Variants in GALNTL6 observed in about 807,000 individuals in gnomAD.
GALNTL6 encodes the protein polypeptide N-acetylgalactosaminyltransferase-like 6.
A neutral mutation model predicts 73.7 loss-of-function variants in GALNTL6; 46 were observed. The observed-to-expected ratio is 0.62, with a 90% CI of 0.49 to 0.80. The LOEUF is 0.80. GALNTL6 is among the 30% of genes least tolerant of loss of function. GALNTL6 has a pLI of 0.00. For synonymous variants in GALNTL6, 259 were observed against 263.7 expected, an observed-to-expected ratio of 0.98 and a Z score of 0.17; for missense variants, 604 against 755.0, an observed-to-expected ratio of 0.80 and a Z score of 2.34.
At chr4:172,820,466 C>T (rs1465633082) in intron 7 of GALNTL6, among the ~76,000 whole-genome samples, 1 of 152,192 alleles carries the variant, frequency 6.6e-6, no homozygotes, top group Non-Finnish European at 1.5e-5. Flanking sequence ...AGTAATTCTA[C>T]ATTTAATCAA....
At chr4:173,033,706 G>A (rs563734154) in intron 12 of GALNTL6, among the ~76,000 whole-genome samples, 2 of 152,290 alleles carry the variant, frequency 1.3e-5, no homozygotes, top group African/African-American at 4.8e-5. Context: ...TATTGTCAGA[G>A]ATAAAACTAG....
Position 172,759,607 on chromosome 4 carries a change from A to G in GALNTL6, c.554-49754A>G, listed in dbSNP as rs527650405. Among the ~76,000 whole-genome samples the G allele has an allele frequency of 4.5e-3, 677 of 152,080 alleles. 5 individuals are homozygous for G. The highest frequency in any genetic ancestry group is 5.2e-3 in the Non-Finnish European group (352 of 67,980). On this transcript the variant is annotated intron_variant, in intron 5 of 12. Transcript: ENST00000506823. The stretch of plus-strand genomic sequence containing the variant: ...AGGGGGTGTGTGCAGAATCTCCTCC[A>G]CCTGACTGTGTCCTCACTCCGCCAT...
chr4:171,912,905 A>G (rs1252563270), intron 2 of GALNTL6, among the ~76,000 whole-genome samples: 1 of 152,198 alleles, frequency 6.6e-6, no homozygotes, highest in African/African-American at 2.4e-5. Context: ...ATTGAATAAT[A>G]TCTCCTTTTA....
chr4:172,100,546 G>T (rs922987375), intron 2 of GALNTL6, among the ~76,000 whole-genome samples: 11 of 151,996 alleles, frequency 7.2e-5, no homozygotes, highest in Non-Finnish European at 1.5e-4. Context: ...AAAAGGAAAT[G>T]GTAAAGCTGT....
chr4:172,706,584 T>G (rs777542959), intron 5 of GALNTL6, among the ~76,000 whole-genome samples: 1 of 152,176 alleles, frequency 6.6e-6, no homozygotes. Context: ...CCTTGGTCTT[T>G]CCAGAGTATG....
chr4:172,484,537 A>G (rs2111489578), intron 5 of GALNTL6, among the ~76,000 whole-genome samples: 1 of 152,260 alleles, frequency 6.6e-6, no homozygotes, highest in East Asian at 1.9e-4. Flanking sequence ...GTTGATTATT[A>G]TTTAATGATT....
intron 2 of GALNTL6, among the ~76,000 whole-genome samples, chr4:172,151,590 G>A (rs1210962621): frequency 6.6e-6 from 1 of 152,262 alleles, no homozygotes; most frequent in South Asian, 2.1e-4. Context: ...AGTTTCAGAA[G>A]AAAGGAAAAG....
At chr4:172,739,632 A>G (rs1042604045) in intron 5 of GALNTL6, among the ~76,000 whole-genome samples, 3 of 152,050 alleles carry the variant, frequency 2.0e-5, no homozygotes, top group Admixed American at 1.3e-4. Context: ...AAACATAAAA[A>G]CTCTTGAAAA....
intron 5 of GALNTL6, among the ~76,000 whole-genome samples, chr4:172,554,041 G>C (rs1736056980): frequency 6.6e-6 from 1 of 152,106 alleles, no homozygotes; most frequent in African/African-American, 2.4e-5. Context: ...GGAAAGAAAA[G>C]AAAACAAAAA....
At chr4:172,285,709 G>A (rs1739221430) in intron 3 of GALNTL6, among the ~76,000 whole-genome samples, 1 of 152,110 alleles carries the variant, frequency 6.6e-6, no homozygotes, top group Non-Finnish European at 1.5e-5. Context: ...CCATTTCCCT[G>A]ACACATAATG....
chr4:172,344,972 A>G (rs1294673920), intron 4 of GALNTL6, among the ~76,000 whole-genome samples: 1 of 152,212 alleles, frequency 6.6e-6, no homozygotes, highest in Non-Finnish European at 1.5e-5. Flanking sequence ...CAGTGTAAAC[A>G]ACAATGACCG....
intron 5 of GALNTL6, among the ~76,000 whole-genome samples, chr4:172,780,419 T>A (rs1240573508): frequency 6.6e-6 from 1 of 152,196 alleles, no homozygotes; most frequent in Non-Finnish European, 1.5e-5. Flanking sequence ...TCCCATGTCA[T>A]AACCTATACG....
At chr4:172,718,801 A>C (rs902846777) in intron 5 of GALNTL6, among the ~76,000 whole-genome samples, 25 of 152,182 alleles carry the variant, frequency 1.6e-4, no homozygotes, top group African/African-American at 5.3e-4. Flanking sequence ...ATTATTTTTT[A>C]AAATCAACTT....
intron 2 of GALNTL6, among the ~76,000 whole-genome samples, chr4:171,821,825 G>T (rs1229147749): frequency 1.3e-5 from 2 of 152,006 alleles, no homozygotes; most frequent in Non-Finnish European, 1.5e-5. Context: ...AGGGAGGACT[G>T]TTGAATAAGC....
intron 5 of GALNTL6, among the ~76,000 whole-genome samples, chr4:172,410,318 ATTG>A (rs1280940913): frequency 6.6e-6 from 1 of 152,030 alleles, no homozygotes; most frequent in Non-Finnish European, 1.5e-5. Flanking sequence ...TTACATTCAC[ATTG>A]TTGTGCAACC....
At chr4:172,524,841 C>A (rs757686244) in intron 5 of GALNTL6, among the ~76,000 whole-genome samples, 1 of 152,024 alleles carries the variant, frequency 6.6e-6, no homozygotes, top group Non-Finnish European at 1.5e-5. Flanking sequence ...TTTATTTGTT[C>A]TTTTTATTAA....
intron 2 of GALNTL6, among the ~76,000 whole-genome samples, chr4:171,909,234 T>A (rs1365534440): frequency 6.6e-6 from 1 of 151,658 alleles, no homozygotes; most frequent in Non-Finnish European, 1.5e-5. Context: ...CTGAAATCAT[T>A]AACTATTTTG....
In GALNTL6 at chr4:172,952,102, G is replaced by A. The variant is rs758739433; in HGVS notation, c.1215G>A (p.Pro405=). ...EFAEYIYQRR[P]EYRHLSTGDI... is the part of the protein sequence containing the mutation. ...CCGAGTACATTTACCAGCGGCGGCC[G>A]GAGTACAGGCATCTCTCCACGGGGG... Residue 405 remains proline, a synonymous_variant, in exon 10 of 13, where the codon CCG becomes CCA. Coordinates refer to ENST00000506823, the MANE Select transcript of GALNTL6 (RefSeq NM_001034845.3). 28 of 1,613,984 alleles carry A rather than the reference G, an allele frequency of 1.7e-5. No individual in the cohort carries two copies. In the East Asian group the frequency reaches 4.9e-4, roughly 28 times the overall value.
intron 2 of GALNTL6, among the ~76,000 whole-genome samples, chr4:172,081,067 T>C (rs755012288): frequency 4.6e-5 from 7 of 152,154 alleles, no homozygotes; most frequent in Non-Finnish European, 1.0e-4. Context: ...TTGAATGTAC[T>C]ATGTTTAAAT....
Sources: allele counts gnomAD v4.1 joint callset (sites outside exome capture counted in the v4.1 genomes callset), GRCh38; gene constraint gnomAD v4.1.1; transcripts MANE v1.5; gene names NCBI Gene and HGNC (gene_info 2026-07-23, HGNC 2026-07-21).